SLIT3: variants seen among roughly 807,000 people sequenced by gnomAD.
SLIT3 encodes the protein slit guidance ligand 3, also known as slit homolog 3 protein.
In SLIT3, 68 loss-of-function variants were observed where a neutral mutation model predicts 184.0. The observed-to-expected ratio is 0.37, with a 90% CI of 0.30 to 0.45. SLIT3 has a LOEUF of 0.45. Among genes scored for constraint, SLIT3 ranks in the 20% least tolerant of loss-of-function variants. SLIT3 has a pLI of 1.00. For synonymous variants in SLIT3, 831 were observed against 828.6 expected, an observed-to-expected ratio of 1.00 and a Z score of -0.05; for missense variants, 1,707 against 2,026.0, an observed-to-expected ratio of 0.84 and a Z score of 3.02.
intron 35 of SLIT3, among the ~76,000 whole-genome samples, chr5:168,667,369 A>G (rs1463613025): frequency 5.9e-5 from 9 of 152,360 alleles, no homozygotes; most frequent in South Asian, 2.1e-4. Context: ...TTTGTATGCT[A>G]TAAGACATTT....
chr5:169,111,481 G>A (rs545159415), intron 4 of SLIT3, among the ~76,000 whole-genome samples: 1 of 152,328 alleles, frequency 6.6e-6, no homozygotes, highest in South Asian at 2.1e-4. Flanking sequence ...GCTAGGCGTG[G>A]TGGCTCACAC....
intron 4 of SLIT3, among the ~76,000 whole-genome samples, chr5:168,987,107 A>C (rs1755157521): frequency 6.6e-6 from 1 of 152,198 alleles, no homozygotes; most frequent in African/African-American, 2.4e-5. Flanking sequence ...ATTAATGGTC[A>C]CTAAGCTGTA....
At chr5:168,789,786 A>T in intron 10 of SLIT3, 155 bp from the exon 11 acceptor site, 1 of 613,930 alleles carries the variant, frequency 1.6e-6, no homozygotes, top group Non-Finnish European at 2.9e-6. Flanking sequence ...GAAGGAGCTT[A>T]AAGAGCCTTC....
At chr5:169,167,808 C>T (rs1762689647) in intron 4 of SLIT3, among the ~76,000 whole-genome samples, 1 of 152,162 alleles carries the variant, frequency 6.6e-6, no homozygotes, top group African/African-American at 2.4e-5. Context: ...CCCAGCAACC[C>T]CTCACTGACA....
chr5:168,956,866 C>G (rs1344681087), intron 4 of SLIT3, among the ~76,000 whole-genome samples: 1 of 151,762 alleles, frequency 6.6e-6, no homozygotes, highest in Non-Finnish European at 1.5e-5. Context: ...AGATCAAGGC[C>G]TAATTTTACC....
chr5:169,133,163 A>G (rs1036111612), intron 4 of SLIT3, among the ~76,000 whole-genome samples: 7 of 151,916 alleles, frequency 4.6e-5, no homozygotes, highest in African/African-American at 1.5e-4. Context: ...GAGATATTAT[A>G]TTTCTACCTG....
chr5:168,857,368 TTTTG>T (rs1183339700), intron 5 of SLIT3, among the ~76,000 whole-genome samples: 3 of 136,792 alleles, frequency 2.2e-5, no homozygotes, highest in African/African-American at 8.1e-5. Flanking sequence ...GCAGTAGAGT[TTTTG>T]TTTTTGTTTT....
At chr5:168,995,474 G>A (rs1429576365) in intron 4 of SLIT3, 1 of 152,146 alleles carries the variant, frequency 6.6e-6, no homozygotes, top group Non-Finnish European at 1.5e-5. Flanking sequence ...TCTAAATCTA[G>A]TTTGTCTTCC....
chr5:169,043,341 G>A (rs1561627382), intron 4 of SLIT3, among the ~76,000 whole-genome samples: 2 of 152,238 alleles, frequency 1.3e-5, no homozygotes, highest in African/African-American at 4.8e-5. Context: ...TGCTAGAAAA[G>A]TTTGAATTAC....
intron 4 of SLIT3, among the ~76,000 whole-genome samples, chr5:169,080,837 C>T (rs1464339356): frequency 6.6e-6 from 1 of 152,158 alleles, no homozygotes; most frequent in African/African-American, 2.4e-5. Context: ...GCATGTTGAC[C>T]CTAAGAACCA....
At position 169,058,035 on chromosome 5, in the gene SLIT3, G is replaced by A. The variant is rs1347221144; in HGVS notation, c.413+135444C>T. On this transcript the variant is annotated intron_variant, in intron 4 of 35. Coordinates refer to ENST00000519560, the MANE Select transcript of SLIT3 (RefSeq NM_003062.4). ...GCATGTAGTGAGTTATTAAACCATC[G>A]ACCCCACCCTGTAAGGTATAAAGCA... 3.9e-5 allele frequency among the ~76,000 whole-genome samples: 6 copies of A among 152,254 alleles called. No homozygotes were observed. The East Asian group carries it at 1.2e-3, about 29-fold the overall frequency.
intron 4 of SLIT3, among the ~76,000 whole-genome samples, chr5:168,931,759 G>A (rs1466215786): frequency 6.6e-6 from 1 of 152,208 alleles, no homozygotes; most frequent in African/African-American, 2.4e-5. Flanking sequence ...GCAAGTAGGT[G>A]TATGATGAGG....
chr5:169,295,506 T>G (rs1304933510), intron 1 of SLIT3, among the ~76,000 whole-genome samples: 3 of 152,246 alleles, frequency 2.0e-5, no homozygotes, highest in Non-Finnish European at 2.9e-5. Context: ...AATAAGGTAC[T>G]AAAGAATTTA....
chr5:169,227,799 G>A (rs553691098), intron 3 of SLIT3, among the ~76,000 whole-genome samples: 136 of 152,246 alleles, frequency 8.9e-4, no homozygotes, highest in Admixed American at 2.7e-3. Flanking sequence ...ACCCCCTTTC[G>A]CAGATGAGGA....
At chr5:168,875,330 A>G (rs1391995903) in intron 5 of SLIT3, among the ~76,000 whole-genome samples, 1 of 151,648 alleles carries the variant, frequency 6.6e-6, no homozygotes, top group African/African-American at 2.4e-5. Context: ...GGAAGGAGGG[A>G]GAAATGAAAG....
At chr5:169,267,130 C>T (rs1360006527) in intron 1 of SLIT3, among the ~76,000 whole-genome samples, 5 of 152,070 alleles carry the variant, frequency 3.3e-5, no homozygotes, top group African/African-American at 9.7e-5. Flanking sequence ...GTTGATGCTA[C>T]TTATTAGTCC....
chr5:169,020,951 G>A (rs757013546), intron 4 of SLIT3, among the ~76,000 whole-genome samples: 2 of 152,178 alleles, frequency 1.3e-5, no homozygotes, highest in Admixed American at 6.5e-5. Flanking sequence ...CAGGGGAGAC[G>A]GAACAGTGAA....
intron 1 of SLIT3, among the ~76,000 whole-genome samples, chr5:169,293,672 G>C (rs1767420556): frequency 6.6e-6 from 1 of 152,176 alleles, no homozygotes; most frequent in Non-Finnish European, 1.5e-5. Flanking sequence ...ACAGAACCGG[G>C]CTTTGGGCCC....
chr5:168,793,800 T>G (rs1209763022), intron 10 of SLIT3, among the ~76,000 whole-genome samples: 3 of 149,124 alleles, frequency 2.0e-5, no homozygotes, highest in African/African-American at 4.9e-5. Context: ...AAAAATGAAT[T>G]GGGGGGGGGG....
Sources: allele counts gnomAD v4.1 joint callset (sites outside exome capture counted in the v4.1 genomes callset), GRCh38; gene constraint gnomAD v4.1.1; transcripts MANE v1.5; gene names NCBI Gene and HGNC (gene_info 2026-07-23, HGNC 2026-07-21).